CPXCR1: variants seen among roughly 807,000 people sequenced by gnomAD.
CPXCR1 encodes CPX chromosome region candidate 1.
Under a neutral mutation model 13.8 loss-of-function variants are expected in CPXCR1, and 15 were observed. That is an observed-to-expected ratio of 1.09 (90% CI 0.73 to 1.67). The LOEUF (loss-of-function observed/expected upper bound fraction) is 1.67, where lower values mean the gene tolerates loss of function less well. Ranked by LOEUF, CPXCR1 falls within the 40% of genes most tolerant of loss-of-function variation. CPXCR1 has a pLI of 0.00. For missense variants in CPXCR1, 247 were observed against 223.6 expected, an observed-to-expected ratio of 1.10 and a Z score of -0.67; for synonymous variants, 70 against 76.7, an observed-to-expected ratio of 0.91 and a Z score of 0.46.
Position 88,753,457 on chromosome X carries a change from G to C in CPXCR1, c.43G>C (p.Ala15Pro). The C allele has an allele frequency of 1.7e-6, 2 of 1,160,215 alleles. No homozygotes were observed. The highest frequency in any genetic ancestry group is 2.3e-6 in the Non-Finnish European group (2 of 870,317). The change falls in exon 3 of 3, where the codon GCT becomes CCT. Residue 15 changes from alanine to proline, a missense_variant. Coordinates refer to ENST00000276127, the MANE Select transcript of CPXCR1 (RefSeq NM_033048.6). ...AGAAGGAAGTGATACAGCTGGAAATGCTCACAAAAATTCTGAAAATGAGCC... is the reference window on the plus strand; with the variant it reads ...AGAAGGAAGTGATACAGCTGGAAATCCTCACAAAAATTCTGAAAATGAGCC... ...TKEGSDTAGN[A>P]HKNSENEPPN... is the part of the protein sequence containing the mutation.
At position 88,753,639 on chromosome X, in the gene CPXCR1, G is replaced by C. The variant is rs764508149; in HGVS notation, c.225G>C (p.Glu75Asp). ...CAGAAAACAGCGAGCTCGAAACAGAGATCCAAAAAGATCAACGAGAAGAAG... is the reference window on the plus strand; with the variant it reads ...CAGAAAACAGCGAGCTCGAAACAGACATCCAAAAAGATCAACGAGAAGAAG... ...QAAENSELET[E>D]IQKDQREEDL... Residue 75 changes from glutamate to aspartate, a missense_variant, in exon 3 of 3, where the codon GAG becomes GAC. Physicochemically the swap from Glu to Asp is conservative, Grantham distance 45. Transcript: ENST00000276127. 1 of 1,206,539 alleles carries C rather than the reference G, an allele frequency of 8.3e-7. No individual in the cohort carries two copies. The highest frequency in any genetic ancestry group is 1.1e-6 in the Non-Finnish European group (1 of 893,383).
chrX:88,753,493 T>A lies in CPXCR1; in HGVS notation c.79T>A (p.Cys27Ser), dbSNP rs753338984. The change falls in exon 3 of 3, where the codon TGT becomes AGT. Residue 27 changes from cysteine to serine, a missense_variant. Transcript: ENST00000276127. ...TTCTGAAAATGAGCCTCCTAATGAC[T>A]GTAGTACAGACATAGAGTCTCCATC... ...KNSENEPPNDCSTDIESPSAD... is the reference protein window; with the variant it reads ...KNSENEPPNDSSTDIESPSAD... 8.4e-7 allele frequency: 1 copy of A among 1,197,304 alleles called. No homozygotes were observed. The highest frequency in any genetic ancestry group is 2.3e-5 in the Admixed American group (1 of 44,333).
intron 1 of CPXCR1, among the ~76,000 whole-genome samples, chrX:88,748,219 T>C (rs1195254534): frequency 9.0e-6 from 1 of 110,958 alleles, no homozygotes; most frequent in Admixed American, 9.6e-5. Context: ...GAAAAAATGA[T>C]TTTGGTTTTC....
At chrX:88,748,516 C>T (rs1254178193) in intron 1 of CPXCR1, among the ~76,000 whole-genome samples, 3 of 109,883 alleles carry the variant, frequency 2.7e-5, no homozygotes, top group African/African-American at 9.9e-5. Context: ...TGATTGTTGA[C>T]TATTTCCAAA....
intron 1 of CPXCR1, among the ~76,000 whole-genome samples, chrX:88,748,714 A>G (rs1040818751): frequency 1.2e-4 from 13 of 110,164 alleles, no homozygotes; most frequent in Admixed American, 3.9e-4. Context: ...TTATTGAAAA[A>G]CCAGTCTTAA....
rs1400561894 is a variant in CPXCR1, at chrX:88,754,393, A to G, written c.*73A>G. The G allele has an allele frequency of 1.5e-6, 1 of 687,192 alleles. No homozygotes were observed. The highest frequency in any genetic ancestry group is 2.1e-6 in the Non-Finnish European group (1 of 471,637). 56.6% of individuals were successfully genotyped at this position (687,192 alleles called of 1,213,427 possible). A position where few individuals can be genotyped will look rare whatever the true frequency, so the allele number is the denominator to read the frequency against. Reference sequence around the variant, plus strand: ...AATTTGACTACTAAAGTAAGACAAAATTGCATGAACATAAATTTTAGTATT... The same window carrying G: ...AATTTGACTACTAAAGTAAGACAAAGTTGCATGAACATAAATTTTAGTATT... On this transcript the variant is annotated 3_prime_UTR_variant, in exon 3 of 3. Transcript: ENST00000276127.
Position 88,753,717 on chromosome X carries a change from C to A in CPXCR1, c.303C>A (p.Val101=). Residue 101 remains valine (V), a synonymous_variant, in exon 3 of 3, where the codon GTC becomes GTA. Coordinates refer to ENST00000276127, the MANE Select transcript of CPXCR1 (RefSeq NM_033048.6). ...LLQTPIPRKL[V]SHKPLNDRSR... is the part of the protein sequence containing the mutation. ...AGACCCCCATTCCCAGAAAATTGGT[C>A]TCTCACAAGCCCTTAAATGATAGAT... 1.7e-6 allele frequency: 2 copies of A among 1,209,382 alleles called. No homozygotes were observed. The highest frequency in any genetic ancestry group is 2.2e-6 in the Non-Finnish European group (2 of 893,773).
chrX:88,751,727 G>A (rs1216835255), intron 2 of CPXCR1, among the ~76,000 whole-genome samples: 1 of 111,108 alleles, frequency 9.0e-6, no homozygotes, highest in East Asian at 2.8e-4. Flanking sequence ...ATCAAACTCT[G>A]AAAAAAATAA....
rs747289925 is a variant in CPXCR1 at position 88,754,021 on chromosome X, C to G, written c.607C>G (p.His203Asp). ...AACATTTAGAAGGCCTTCGAGGGTG[C>G]ACTACTACCGTCCCCTCACTGAGAG... ...AITFRRPSRV[H>D]YYRPLTERMT... Residue 203 changes from histidine to aspartate, a missense_variant, in exon 3 of 3, where the codon CAC becomes GAC. By Grantham distance (81) the His-to-Asp change is moderately conservative (BLOSUM62 -1). Transcript: ENST00000276127. 17 of 1,210,490 alleles carry G rather than the reference C, an allele frequency of 1.4e-5. No individual in the cohort carries two copies. The highest frequency in any genetic ancestry group is 1.8e-5 in the Non-Finnish European group (16 of 894,677).
chrX:88,753,216 T>C (rs1924972293), intron 2 of CPXCR1, among the ~76,000 whole-genome samples, 191 bp from the exon 3 acceptor site: 1 of 111,641 alleles, frequency 9.0e-6, no homozygotes, highest in Admixed American at 9.6e-5. Flanking sequence ...ACATATTTAA[T>C]AGGAGGCTTA....
chrX:88,754,244 T>G lies in CPXCR1; in HGVS notation c.830T>G (p.Phe277Cys). 1 of 1,186,466 alleles carries G rather than the reference T, an allele frequency of 8.4e-7. No homozygotes were observed. The highest frequency in any genetic ancestry group is 1.1e-6 in the Non-Finnish European group (1 of 877,641). The change falls in exon 3 of 3, where the codon TTT becomes TGT. Residue 277 changes from phenylalanine (F) to cysteine (C), a missense_variant. Transcript: ENST00000276127. Reference sequence around the variant, plus strand: ...AACACCAATAATGGTTGGAAATACTTTTGTCCCATCTGTGGAAGGCTTTTT... The same window carrying G: ...AACACCAATAATGGTTGGAAATACTGTTGTCCCATCTGTGGAAGGCTTTTT... ...ITNTNNGWKYFCPICGRLFNT... is the reference protein window; with the variant it reads ...ITNTNNGWKYCCPICGRLFNT...
intron 2 of CPXCR1, among the ~76,000 whole-genome samples, chrX:88,751,512 G>T (rs1423802309): frequency 9.0e-6 from 1 of 111,306 alleles, no homozygotes; most frequent in East Asian, 2.8e-4. Context: ...TAGAATAAGT[G>T]CGATGTGGTG....
intron 2 of CPXCR1, among the ~76,000 whole-genome samples, chrX:88,751,988 G>A (rs1411805401): frequency 9.0e-6 from 1 of 111,532 alleles, no homozygotes; most frequent in East Asian, 2.8e-4. Context: ...CTAGCCATGA[G>A]AATAAAAACC....
intron 2 of CPXCR1, 91 bp from the exon 3 acceptor site, chrX:88,753,316 A>C (rs1454300763): frequency 1.7e-5 from 8 of 484,411 alleles, no homozygotes. Flanking sequence ...TAGCACATTC[A>C]CAGGCTTTTT....
chrX:88,752,897 G>T (rs1924963091), intron 2 of CPXCR1, among the ~76,000 whole-genome samples: 1 of 111,141 alleles, frequency 9.0e-6, no homozygotes, highest in South Asian at 3.8e-4. Context: ...AAAATTACAG[G>T]GGAAGAACGG....
intron 2 of CPXCR1, among the ~76,000 whole-genome samples, chrX:88,750,364 A>G (rs12835504): frequency 9.0e-6 from 1 of 111,531 alleles, no homozygotes; most frequent in African/African-American, 3.3e-5. Flanking sequence ...TGTTTATATG[A>G]TGGATTATGT....
At chrX:88,749,103 C>T (rs1179629979) in intron 1 of CPXCR1, among the ~76,000 whole-genome samples, 1 of 79,336 alleles carries the variant, frequency 1.3e-5, no homozygotes, top group Non-Finnish European at 2.4e-5. Context: ...CAACAGTCCC[C>T]GGTGTGTGAT....
intron 2 of CPXCR1, 98 bp from the exon 3 acceptor site, chrX:88,753,309 C>T: frequency 2.3e-6 from 1 of 440,452 alleles, no homozygotes; most frequent in African/African-American, 2.5e-5. Context: ...ACAGAAATAG[C>T]ACATTCACAG....
chrX:88,750,888 T>C (rs1924899516), intron 2 of CPXCR1, among the ~76,000 whole-genome samples: 1 of 112,127 alleles, frequency 8.9e-6, no homozygotes, highest in African/African-American at 3.2e-5. Context: ...TCTCTGGTAG[T>C]AGTTTGTATT....
Sources: gnomAD v4.1 joint callset for allele counts (sites outside exome capture counted in the v4.1 genomes callset) on GRCh38, gnomAD v4.1.1 for gene constraint, MANE v1.5 for transcripts, NCBI Gene and HGNC (gene_info 2026-07-23, HGNC 2026-07-21) for gene names.